The following FREM2 variants were observed in gnomAD, a reference collection of about 807,000 sequenced individuals.
FREM2 encodes FRAS1-related extracellular matrix protein 2.
A neutral mutation model predicts 219.9 loss-of-function variants in FREM2; 119 were observed. That is an observed-to-expected ratio of 0.54 (90% confidence interval 0.47 to 0.63). The LOEUF is 0.63. Among genes scored for constraint, FREM2 ranks in the 30% least tolerant of loss-of-function variants. The pLI, the probability that FREM2 is intolerant of heterozygous loss-of-function variation, is 0.00. For synonymous variants in FREM2, 1,562 were observed against 1,522.8 expected (o/e 1.03, Z -0.60); for missense variants, 4,030 against 3,993.6 (o/e 1.01, Z -0.25).
rs202167450 is a variant in FREM2 at position 38,872,877 on chromosome 13, G to A, written c.8119G>A (p.Asp2707Asn). The A allele has an allele frequency of 1.5e-5, 25 of 1,613,884 alleles. No homozygotes were observed. Among genetic ancestry groups the A allele is most frequent in the African/African-American group, 1.3e-4 (10 of 74,898 alleles). Residue 2707 changes from aspartate (D) to asparagine (N), a missense_variant, in exon 17 of 24, where the codon GAC becomes AAC. This residue lies in a region of FREM2 where 928 missense variants were observed against 1,042.9 expected (regional missense o/e 0.89). Transcript: ENST00000280481. The stretch of plus-strand genomic sequence containing the variant: ...AGAGCTTCGTCTAACTTTTGTGTAC[G>A]ACACCGCCATCTTGTGGAATGATGG... The part of the protein sequence containing the change: ...KSELRLTFVY[D>N]TAILWNDGIG...
intron 6 of FREM2, among the ~76,000 whole-genome samples, chr13:38,805,734 A>G (rs1351189634): frequency 1.3e-5 from 2 of 151,992 alleles, no homozygotes; most frequent in African/African-American, 2.4e-5. Flanking sequence ...TATTTCTACT[A>G]AATATTAATG....
intron 2 of FREM2, among the ~76,000 whole-genome samples, chr13:38,699,656 A>G (rs1347324722): frequency 6.6e-6 from 1 of 152,080 alleles, no homozygotes; most frequent in Non-Finnish European, 1.5e-5. Context: ...TATGGAGCTC[A>G]GGCAGATTTT....
chr13:38,762,035 A>C (rs1401638882), intron 2 of FREM2, among the ~76,000 whole-genome samples: 3 of 152,204 alleles, frequency 2.0e-5, no homozygotes, highest in Non-Finnish European at 1.5e-5. Flanking sequence ...AGCAGTGGGC[A>C]TGCAGGGTGG....
At chr13:38,754,605 T>G (rs1212824318) in intron 2 of FREM2, among the ~76,000 whole-genome samples, 1 of 152,096 alleles carries the variant, frequency 6.6e-6, no homozygotes, top group Non-Finnish European at 1.5e-5. Flanking sequence ...AATTGCAGGG[T>G]TGCTGTGAGA....
At chr13:38,740,145 AT>A (rs1391497042) in intron 2 of FREM2, among the ~76,000 whole-genome samples, 1 of 152,196 alleles carries the variant, frequency 6.6e-6, no homozygotes, top group Non-Finnish European at 1.5e-5. Flanking sequence ...ATCATAATCT[AT>A]TTTAGGATAT....
At chr13:38,726,268 C>T (rs757615828) in intron 2 of FREM2, among the ~76,000 whole-genome samples, 5 of 152,052 alleles carry the variant, frequency 3.3e-5, no homozygotes, top group Non-Finnish European at 7.4e-5. Flanking sequence ...TATCTGGTAC[C>T]GGGCCCTGAG....
intron 6 of FREM2, among the ~76,000 whole-genome samples, chr13:38,810,063 G>C (rs1040775158): frequency 6.6e-6 from 1 of 151,790 alleles, no homozygotes; most frequent in African/African-American, 2.4e-5. Flanking sequence ...TGATTCCTAA[G>C]TATTTAATTT....
rs370126303 is a variant in FREM2, at chr13:38,819,930, C to T, written c.6020-26643C>T. On this transcript the variant is annotated intron_variant, in intron 6 of 23. Coordinates refer to ENST00000280481, the MANE Select transcript of FREM2 (RefSeq NM_207361.6). ...TAATATACACAATGACCTTCTGATT[C>T]TACAATGTAATACTCAAAGTTATTA... Among the ~76,000 whole-genome samples the T allele has an allele frequency of 2.6e-5, 4 of 152,098 alleles. No individual in the cohort carries two copies. In the East Asian group the frequency reaches 7.7e-4, roughly 29 times the overall value.
Position 38,880,677 on chromosome 13 carries a change from A to G in FREM2, c.9400A>G (p.Met3134Val). 1 of 1,614,172 alleles carries G rather than the reference A, an allele frequency of 6.2e-7. No homozygotes were observed. ...TICLTVIAVLMCRGKESFRGK... is the reference protein window; with the variant it reads ...TICLTVIAVLVCRGKESFRGK... ...CTGCCTCACTGTCATTGCAGTGCTG[A>G]TGTGCAGGGGCAAGGAAAGTTTCAG... The change falls in exon 24 of 24, where the codon ATG becomes GTG. Residue 3134 changes from methionine to valine, a missense_variant. Physicochemically the swap from Met to Val is conservative, Grantham distance 21. Coordinates refer to ENST00000280481, the MANE Select transcript of FREM2 (RefSeq NM_207361.6).
chr13:38,797,226 G>C (rs1254496878), intron 6 of FREM2, among the ~76,000 whole-genome samples: 1 of 151,878 alleles, frequency 6.6e-6, no homozygotes, highest in African/African-American at 2.4e-5. Flanking sequence ...TCCACCAAGA[G>C]GGTGTGAGTT....
At chr13:38,748,740 A>T (rs181996780) in intron 2 of FREM2, among the ~76,000 whole-genome samples, 54 of 152,266 alleles carry the variant, frequency 3.5e-4, no homozygotes, top group East Asian at 2.9e-3. Context: ...GATTTTTTTT[A>T]AAATGTAATA....
At chr13:38,693,113 A>T (rs1027785233) in intron 1 of FREM2, among the ~76,000 whole-genome samples, 1 of 152,350 alleles carries the variant, frequency 6.6e-6, no homozygotes, top group Non-Finnish European at 1.5e-5. Context: ...GCAAATACTC[A>T]TCCAGAGACG....
intron 6 of FREM2, among the ~76,000 whole-genome samples, chr13:38,788,171 T>G (rs1392311971): frequency 6.6e-6 from 1 of 152,076 alleles, no homozygotes; most frequent in Non-Finnish European, 1.5e-5. Context: ...AGTTTACAGC[T>G]CTTTGAGTGC....
intron 3 of FREM2, 63 bp from the exon 4 acceptor site, chr13:38,769,515 A>G: frequency 2.1e-6 from 3 of 1,421,376 alleles, no homozygotes; most frequent in Non-Finnish European, 2.9e-6. Context: ...AAAGTTAACA[A>G]GGAAAATCTT....
rs1449442293 is a variant in FREM2 at position 38,697,788 on chromosome 13, G to GT, written c.5263+2dup. 1 of 1,567,720 alleles carries GT rather than the reference G, an allele frequency of 6.4e-7. No homozygotes were observed. Among genetic ancestry groups the GT allele is most frequent in the African/African-American group, 1.4e-5 (1 of 73,924 alleles). On this transcript the variant is annotated splice_donor_variant, in intron 2 of 23. Coordinates refer to ENST00000280481, the MANE Select transcript of FREM2 (RefSeq NM_207361.6). LOFTEE classifies it high-confidence loss of function. ...TTCTATTTTGCAGTTGAAGATGGTG[G>GT]TAAGTATTCCCCTCTCCTGGTAGTG...
At chr13:38,773,595 A>G (rs4512974) in intron 4 of FREM2, among the ~76,000 whole-genome samples, 150,796 of 152,256 alleles carry the variant, frequency 0.99, 74,688 homozygotes, top group Middle Eastern at 1. Context: ...TGTTTTTTTG[A>G]TTGGTTGTTT....
intron 11 of FREM2, among the ~76,000 whole-genome samples, chr13:38,853,900 G>T (rs960943671): frequency 1.3e-5 from 2 of 152,074 alleles, no homozygotes; most frequent in Admixed American, 1.3e-4. Context: ...GAAGTAAAAT[G>T]ATTCCTTTTG....
intron 6 of FREM2, among the ~76,000 whole-genome samples, chr13:38,845,755 A>G (rs971213374): frequency 5.3e-5 from 8 of 152,138 alleles, no homozygotes; most frequent in South Asian, 2.1e-4. Flanking sequence ...TCAGACTTCT[A>G]GCAGCTCTAT....
At position 38,763,839 on chromosome 13, in the gene FREM2, G is replaced by T. The variant is rs140534208; in HGVS notation, c.5264-465G>T. On this transcript the variant is annotated intron_variant, in intron 2 of 23. Transcript: ENST00000280481. ...AGAAGGGATATTTGTTTTTCCTTAA[G>T]TGGTTATAATTAAAACCTTCCACCC... is the stretch of plus-strand genomic sequence containing the variant. Among the ~76,000 whole-genome samples the T allele has an allele frequency of 2.1e-3, 324 of 152,270 alleles. 2 individuals are homozygous for T. The highest frequency in any genetic ancestry group is 7.5e-3 in the African/African-American group (311 of 41,564).
Sources: allele counts gnomAD v4.1 joint callset (sites outside exome capture counted in the v4.1 genomes callset), GRCh38; gene constraint gnomAD v4.1.1; regional missense constraint gnomAD v4.1.1; transcripts MANE v1.5; gene names NCBI Gene and HGNC (gene_info 2026-07-23, HGNC 2026-07-21).